The following LINGO1 variants were observed in gnomAD, a reference collection of about 807,000 sequenced individuals.
LINGO1 encodes leucine rich repeat and Ig domain containing 1.
In LINGO1, 11 loss-of-function variants were observed where a neutral mutation model predicts 37.3. The ratio of observed to expected loss-of-function variants is 0.29; its 90% CI spans 0.19 to 0.49. The LOEUF (loss-of-function observed/expected upper bound fraction) is 0.49. Among genes scored for constraint, LINGO1 ranks in the 20% least tolerant of loss-of-function variants. LINGO1 has a pLI of 0.99. For missense variants in LINGO1, 585 were observed against 878.2 expected, an observed-to-expected ratio of 0.67 and a Z score of 4.22; for synonymous variants, 387 against 403.0, an observed-to-expected ratio of 0.96 and a Z score of 0.48.
intron 2 of LINGO1, among the ~76,000 whole-genome samples, chr15:77,704,344 T>C (rs2075821632): frequency 1.3e-5 from 2 of 152,184 alleles, no homozygotes; most frequent in Non-Finnish European, 2.9e-5. Flanking sequence ...GCTCCAACCA[T>C]GGCCACACAT....
Position 77,738,747 on chromosome 15 carries a change from TGAAGGAAGGAAGGAAGGAAG to T in LINGO1, c.-256-3714_-256-3695del, listed in dbSNP as rs1166793124. Reference sequence around the variant, plus strand: ...CAGGAGACAGTCAATACATATTTGCTGAAGGAAGGAAGGAAGGAAGGAAGGAAGGAAGGAAGGAAGGAAGG... The same window carrying T: ...CAGGAGACAGTCAATACATATTTGCTGAAGGAAGGAAGGAAGGAAGGAAGG... On this transcript the variant is annotated intron_variant, in intron 1 of 3. Coordinates refer to the LINGO1 transcript ENST00000561686. Among the ~76,000 whole-genome samples the T allele has an allele frequency of 3.6e-3, 394 of 110,870 alleles. 5 individuals are homozygous for T. Among genetic ancestry groups the T allele is most frequent in the South Asian group, 0.033 (103 of 3,096 alleles). 72.7% of individuals were successfully genotyped at this position (110,870 alleles called of 152,430 possible). A position where few individuals can be genotyped will look rare whatever the true frequency, so the allele number is the denominator to read the frequency against.
chr15:77,746,207 C>CAAAAAAAAAAAAAA (rs34220013), intron 1 of LINGO1, among the ~76,000 whole-genome samples: 1 of 75,634 alleles, frequency 1.3e-5, no homozygotes. Context: ...GACCCTGTCT[C>CAAAAAAAAAAAAAA]AAAAAAAAAA....
chr15:77,819,203 A>G (rs1303667868), intron 1 of LINGO1: 1 of 145,644 alleles, frequency 6.9e-6, no homozygotes, highest in Non-Finnish European at 1.5e-5. Context: ...GGGCAGACAC[A>G]CCGGCTCCCC....
At chr15:77,702,101 C>T (rs1266222443) in intron 2 of LINGO1, among the ~76,000 whole-genome samples, 1 of 152,198 alleles carries the variant, frequency 6.6e-6, no homozygotes, top group Non-Finnish European at 1.5e-5. Flanking sequence ...CCTTTGGGTG[C>T]TCCAAGGTGT....
chr15:77,653,407 G>A (rs371839927), intron 3 of LINGO1, among the ~76,000 whole-genome samples: 9 of 152,192 alleles, frequency 5.9e-5, no homozygotes, highest in Non-Finnish European at 1.3e-4. Flanking sequence ...TGAGTGACAG[G>A]GGCCTCCCCA....
At chr15:77,736,819 C>T (rs567440889) in intron 1 of LINGO1, among the ~76,000 whole-genome samples, 220 of 152,166 alleles carry the variant, frequency 1.4e-3, no homozygotes, top group Non-Finnish European at 2.8e-3. Context: ...AGAAAAGAAA[C>T]GAAAACTGAG....
intron 1 of LINGO1, among the ~76,000 whole-genome samples, chr15:77,771,468 G>A (rs1182463428): frequency 3.9e-5 from 6 of 152,088 alleles, no homozygotes; most frequent in African/African-American, 1.4e-4. Flanking sequence ...CCCAGGTCAG[G>A]GCAAGAGTCT....
intron 2 of LINGO1, among the ~76,000 whole-genome samples, chr15:77,718,141 C>A (rs2076007134): frequency 6.6e-6 from 1 of 150,828 alleles, no homozygotes; most frequent in South Asian, 2.1e-4. Flanking sequence ...GACTCGCTAC[C>A]ACCCACCTAG....
At chr15:77,621,765 CCTG>C (rs2073929678) in intron 1 of LINGO1, among the ~76,000 whole-genome samples, 1 of 152,240 alleles carries the variant, frequency 6.6e-6, no homozygotes, top group Non-Finnish European at 1.5e-5. Context: ...CTTTCCTGTG[CCTG>C]CGGCTGCTGC....
intron 2 of LINGO1, among the ~76,000 whole-genome samples, chr15:77,708,787 C>T (rs1248232152): frequency 6.6e-6 from 1 of 152,148 alleles, no homozygotes; most frequent in African/African-American, 2.4e-5. Flanking sequence ...CACCTGTAAT[C>T]CCAGCTACTC....
intron 1 of LINGO1, among the ~76,000 whole-genome samples, chr15:77,691,405 C>T (rs1422383486): frequency 1.3e-5 from 2 of 152,160 alleles, no homozygotes; most frequent in Admixed American, 1.3e-4. Context: ...ATTGCCCTTC[C>T]CACCATGGCC....
At chr15:77,642,093 A>G in intron 3 of LINGO1, 1 of 415,540 alleles carries the variant, frequency 2.4e-6, no homozygotes. Flanking sequence ...GCCCTCATAA[A>G]TGGGGCGCTC....
chr15:77,761,551 G>A (rs1172894802), intron 1 of LINGO1, among the ~76,000 whole-genome samples: 1 of 152,200 alleles, frequency 6.6e-6, no homozygotes, highest in Non-Finnish European at 1.5e-5. Flanking sequence ...CCGTGACTGT[G>A]CTCCTTTGAG....
intron 1 of LINGO1, among the ~76,000 whole-genome samples, chr15:77,622,294 G>C (rs2073947110): frequency 6.6e-6 from 1 of 152,020 alleles, no homozygotes; most frequent in Non-Finnish European, 1.5e-5. Context: ...AGAAAGCAGA[G>C]TGGGGGGAGG....
upstream of LINGO1, among the ~76,000 whole-genome samples, chr15:77,637,209 C>A (rs2074413727): frequency 6.6e-6 from 1 of 152,222 alleles, no homozygotes; most frequent in South Asian, 2.1e-4. This position sits in a 1 kb window ranked among gnomAD's most constrained non-coding sequence, Gnocchi z 4.6. Context: ...GGGTTCTCTC[C>A]CCACAGTGGC....
Position 77,614,425 on chromosome 15 carries a change from C to G in LINGO1, c.1482G>C (p.Thr494=), listed in dbSNP as rs373833952. 1.2e-6 allele frequency: 2 copies of G among 1,612,276 alleles called. No homozygotes were observed. Among genetic ancestry groups the G allele is most frequent in the Non-Finnish European group, 1.7e-6 (2 of 1,179,798 alleles). The change falls in exon 2 of 2, where the codon ACG becomes ACC. Residue 494 remains threonine, a synonymous_variant. Transcript: ENST00000355300. ...VRYAQVQDNG[T]YLCIAANAGG... is the part of the protein sequence containing the mutation. Reference sequence around the variant, plus strand: ...CCGCGTTGGCCGCGATGCACAGGTACGTGCCGTTGTCCTGTACCTGGGCGT... The same window carrying G: ...CCGCGTTGGCCGCGATGCACAGGTAGGTGCCGTTGTCCTGTACCTGGGCGT...
At chr15:77,634,227 T>C (rs922404603), upstream of LINGO1, 5 of 441,794 alleles carry the variant, frequency 1.1e-5, no homozygotes, top group African/African-American at 1.4e-4. Flanking sequence ...CAACAGCACC[T>C]TGTTTCTCGC....
chr15:77,774,455 C>T (rs1182982746), intron 1 of LINGO1, among the ~76,000 whole-genome samples: 2 of 152,132 alleles, frequency 1.3e-5, no homozygotes, highest in East Asian at 3.9e-4. Flanking sequence ...AGCAGCGGGG[C>T]ACCCTACAGG....
intron 2 of LINGO1, among the ~76,000 whole-genome samples, chr15:77,705,882 C>G (rs1430896249): frequency 6.6e-6 from 1 of 152,078 alleles, no homozygotes; most frequent in Admixed American, 6.5e-5. Context: ...CCCACTGATG[C>G]CTGAAATCCC....
Sources: allele counts gnomAD v4.1 joint callset (sites outside exome capture counted in the v4.1 genomes callset), GRCh38; gene constraint gnomAD v4.1.1; non-coding constraint Gnocchi (gnomAD v3.1); transcripts MANE v1.5; gene names NCBI Gene and HGNC (gene_info 2026-07-23, HGNC 2026-07-21).